The following RUSC2 variants were observed in gnomAD, a reference collection of about 807,000 sequenced individuals.
The protein encoded by RUSC2 is AP-4 complex accessory subunit RUSC2.
Under a neutral mutation model 122.2 loss-of-function variants are expected in RUSC2, and 34 were observed. The ratio of observed to expected loss-of-function variants is 0.28; its 90% CI spans 0.21 to 0.37. The LOEUF is 0.37. RUSC2 is among the 10% of genes least tolerant of loss of function. The pLI is 1.00. For synonymous variants in RUSC2, 784 were observed against 790.0 expected (o/e 0.99, Z 0.13); for missense variants, 1,747 against 1,952.4 (o/e 0.89, Z 1.98).
chr9:35,510,997 A>G (rs539247105), intron 1 of RUSC2, among the ~76,000 whole-genome samples: 5 of 152,342 alleles, frequency 3.3e-5, no homozygotes, highest in African/African-American at 1.2e-4. Flanking sequence ...CTACCCAGAG[A>G]TAGCTCCAGT....
intron 1 of RUSC2, among the ~76,000 whole-genome samples, chr9:35,539,460 A>T (rs1222729791): frequency 6.6e-6 from 1 of 152,090 alleles, no homozygotes; most frequent in Admixed American, 6.5e-5. Flanking sequence ...TAATAGGAGG[A>T]GACACCCCTA....
Position 35,548,677 on chromosome 9 carries a change from G to A in RUSC2, c.2014+142G>A, listed in dbSNP as rs114917711. On this transcript the variant is annotated intron_variant, in intron 2 of 11. Transcript: ENST00000361226. The surrounding 1 kb of genome is among the most constrained non-coding windows in gnomAD (Gnocchi z 4.5). ...CTAGATCTGTTATCCTTCTAGGCCA[G>A]GGCAGGACCCACAGCTACAGTGGAA... The A allele has an allele frequency of 1.2e-3, 1,684 of 1,423,296 alleles. 16 individuals carry two copies. The African/African-American group carries it at 0.021, about 18-fold the overall frequency. 88.2% of individuals were successfully genotyped at this position (1,423,296 alleles called of 1,614,324 possible).
chr9:35,544,980 T>C (rs1306073916), intron 1 of RUSC2, among the ~76,000 whole-genome samples: 1 of 152,244 alleles, frequency 6.6e-6, no homozygotes, highest in Non-Finnish European at 1.5e-5. Flanking sequence ...CAGAGGAGCC[T>C]GCCTTCCTCT....
chr9:35,551,599 T>C (rs1821897472), intron 2 of RUSC2, among the ~76,000 whole-genome samples: 1 of 152,208 alleles, frequency 6.6e-6, no homozygotes, highest in Non-Finnish European at 1.5e-5. Flanking sequence ...ATGTGTTTTC[T>C]CTATCAGATT....
intron 1 of RUSC2, among the ~76,000 whole-genome samples, chr9:35,502,554 A>C (rs1419730073): frequency 6.6e-6 from 1 of 152,246 alleles, no homozygotes; most frequent in Non-Finnish European, 1.5e-5. Context: ...TTTTCCCTTG[A>C]AAGTTAAAAA....
chr9:35,532,845 A>T, intron 1 of RUSC2, among the ~76,000 whole-genome samples: 1 of 151,924 alleles, frequency 6.6e-6, no homozygotes, highest in Non-Finnish European at 1.5e-5. Context: ...TAAAAATGAT[A>T]ACTGCTTCAC....
At chr9:35,515,199 G>A (rs551700176) in intron 1 of RUSC2, among the ~76,000 whole-genome samples, 8 of 151,364 alleles carry the variant, frequency 5.3e-5, no homozygotes, top group South Asian at 2.1e-4. Context: ...ATTTGGCTAC[G>A]AGGCAAAGAT....
intron 1 of RUSC2, among the ~76,000 whole-genome samples, chr9:35,516,109 C>G (rs1008075742): frequency 1.3e-5 from 2 of 149,752 alleles, no homozygotes; most frequent in African/African-American, 4.9e-5. Context: ...AAGAATTACT[C>G]TTTAGCAATA....
At chr9:35,501,448 G>C (rs1820815524) in intron 1 of RUSC2, among the ~76,000 whole-genome samples, 1 of 152,160 alleles carries the variant, frequency 6.6e-6, no homozygotes, top group Non-Finnish European at 1.5e-5. Context: ...ATGGTGGGGG[G>C]CACCTATAGT....
chr9:35,526,443 T>C (rs1156911437), intron 1 of RUSC2, among the ~76,000 whole-genome samples: 1 of 152,222 alleles, frequency 6.6e-6, no homozygotes, highest in Non-Finnish European at 1.5e-5. Context: ...GGGTATTTAC[T>C]GTATGTCAGG....
intron 1 of RUSC2, among the ~76,000 whole-genome samples, chr9:35,520,431 C>G (rs568573474): frequency 6.6e-6 from 1 of 152,206 alleles, no homozygotes; most frequent in South Asian, 2.1e-4. Context: ...CCTCCTCCAC[C>G]CTGGCCCCAC....
At position 35,560,742 on chromosome 9, in the gene RUSC2, T is replaced by C. The variant is rs1490395417; in HGVS notation, c.4102T>C (p.Ser1368Pro). The C allele has an allele frequency of 1.3e-6, 2 of 1,539,906 alleles. No homozygotes were observed. The highest frequency in any genetic ancestry group is 2.1e-5 in the Admixed American group (1 of 47,716). The change falls in exon 10 of 12, where the codon TCG becomes CCG. Residue 1368 changes from serine to proline, a missense_variant. Coordinates refer to ENST00000361226, the MANE Select transcript of RUSC2 (RefSeq NM_014806.5). ...RSREREGPAASPAENEEGASE... is the reference protein window; with the variant it reads ...RSREREGPAAPPAENEEGASE... ...TCGGGAGAGGGAAGGGCCCGCTGCC[T>C]CGCCAGCAGAAAATGAGGAAGGGGC... is the stretch of plus-strand genomic sequence containing the variant.
intron 1 of RUSC2, among the ~76,000 whole-genome samples, chr9:35,490,665 T>TA (rs755223176): frequency 1.3e-5 from 2 of 152,122 alleles, no homozygotes; most frequent in Non-Finnish European, 2.9e-5. Context: ...TCCACCCTTT[T>TA]AGCCCCTGCC....
At chr9:35,549,839 T>C (rs1821847392) in intron 2 of RUSC2, among the ~76,000 whole-genome samples, 1 of 152,250 alleles carries the variant, frequency 6.6e-6, no homozygotes, top group Admixed American at 6.5e-5. Context: ...GGTTTGGTTT[T>C]TCTGTCTGCT....
Position 35,547,696 on chromosome 9 carries a change from C to T in RUSC2, c.1175C>T (p.Ala392Val). ...CFQSQARLVV[A>V]TQNYYKLVTC... ...CAAAGCCAGGCCCGTCTTGTTGTGG[C>T]CACACAAAATTACTATAAACTTGTC... The change falls in exon 2 of 12, where the codon GCC becomes GTC. Residue 392 changes from alanine to valine, a missense_variant. Physicochemically the swap from Ala to Val is moderately conservative, Grantham distance 64. Transcript: ENST00000361226. The surrounding 1 kb of genome is among the most constrained non-coding windows in gnomAD (Gnocchi z 4.6). The T allele has an allele frequency of 6.2e-7, 1 of 1,614,150 alleles. No individual in the cohort carries two copies. Among genetic ancestry groups the T allele is most frequent in the South Asian group, 1.1e-5 (1 of 91,078 alleles).
chr9:35,505,192 T>C (rs1820890933), intron 1 of RUSC2, among the ~76,000 whole-genome samples: 1 of 152,238 alleles, frequency 6.6e-6, no homozygotes, highest in African/African-American at 2.4e-5. Flanking sequence ...TTGTGATTTT[T>C]GACATACAGA....
At chr9:35,533,366 C>A (rs1821461384) in intron 1 of RUSC2, among the ~76,000 whole-genome samples, 1 of 152,118 alleles carries the variant, frequency 6.6e-6, no homozygotes, top group Non-Finnish European at 1.5e-5. Context: ...CACCTCTCAC[C>A]CATACCCCCA....
intron 11 of RUSC2, 27 bp downstream of exon 11, chr9:35,561,124 A>G: frequency 6.2e-7 from 1 of 1,613,480 alleles, no homozygotes; most frequent in Non-Finnish European, 8.5e-7. Context: ...GGAAGGGCTG[A>G]GGGGGGCGGG....
chr9:35,498,990 T>C (rs1703895194), intron 1 of RUSC2, among the ~76,000 whole-genome samples: 1 of 151,774 alleles, frequency 6.6e-6, no homozygotes, highest in South Asian at 2.1e-4. Flanking sequence ...ATATTATTAA[T>C]GTTAACAGTA....
Sources: allele counts gnomAD v4.1 joint callset (sites outside exome capture counted in the v4.1 genomes callset), GRCh38; gene constraint gnomAD v4.1.1; non-coding constraint Gnocchi (gnomAD v3.1); transcripts MANE v1.5; gene names NCBI Gene and HGNC (gene_info 2026-07-23, HGNC 2026-07-21).